Variants in PTPRR observed in about 807,000 individuals in gnomAD.
PTPRR encodes the protein receptor-type tyrosine-protein phosphatase R.
PTPRR carries 38 observed loss-of-function variants against 77.2 expected under a neutral mutation model. The ratio of observed to expected loss-of-function variants is 0.49; its 90% CI spans 0.38 to 0.65. The LOEUF (loss-of-function observed/expected upper bound fraction) is 0.65. Ranked by LOEUF, PTPRR falls within the 30% of genes least tolerant of loss-of-function variation. PTPRR has a pLI of 0.00. For synonymous variants in PTPRR, 299 were observed against 283.1 expected (o/e 1.06, Z -0.57); for missense variants, 744 against 799.2 (o/e 0.93, Z 0.83).
At chr12:70,902,581 G>A (rs538016714) in intron 1 of PTPRR, among the ~76,000 whole-genome samples, 120 of 151,872 alleles carry the variant, frequency 7.9e-4, no homozygotes, top group Non-Finnish European at 1.2e-3. Context: ...AATGGCATTC[G>A]CAGCAACCTG....
At chr12:70,813,790 G>C (rs1366522330) in intron 2 of PTPRR, among the ~76,000 whole-genome samples, 1 of 152,160 alleles carries the variant, frequency 6.6e-6, no homozygotes. Context: ...GAGTACCAGA[G>C]AGCAGAGTGC....
chr12:70,917,361 G>A (rs556701828), intron 1 of PTPRR, among the ~76,000 whole-genome samples: 3 of 152,128 alleles, frequency 2.0e-5, no homozygotes, highest in Admixed American at 6.6e-5. Flanking sequence ...ATGCAACCAC[G>A]GGTCTGGAAA....
Position 70,773,034 on chromosome 12 carries a change from A to G in PTPRR, c.358-8256T>C, listed in dbSNP as rs373003316. Among the ~76,000 whole-genome samples, 296 of 152,110 alleles carry G rather than the reference A, an allele frequency of 1.9e-3. 1 individual carries two copies. The highest frequency in any genetic ancestry group is 6.5e-3 in the African/African-American group (271 of 41,496). ...CTGGTGTTTGCCAGCAATCCTTGGG[A>G]TTCCTTGGATTACAGATATATTACT... On this transcript the variant is annotated intron_variant, in intron 2 of 13. Transcript: ENST00000283228.
chr12:70,646,944 T>TA (rs543733158), intron 13 of PTPRR, among the ~76,000 whole-genome samples: 7,310 of 145,782 alleles, frequency 0.05, 295 homozygotes, highest in South Asian at 0.12. Context: ...TGGCTGTAGT[T>TA]AAAAAAAAAA....
At chr12:70,908,005 A>G (rs982179240) in intron 1 of PTPRR, among the ~76,000 whole-genome samples, 1 of 152,198 alleles carries the variant, frequency 6.6e-6, no homozygotes, top group Non-Finnish European at 1.5e-5. Context: ...AACTAATTCT[A>G]TACATCGTTC....
At chr12:70,756,172 C>T (rs937620048) in intron 4 of PTPRR, among the ~76,000 whole-genome samples, 1 of 151,874 alleles carries the variant, frequency 6.6e-6, no homozygotes, top group Non-Finnish European at 1.5e-5. Context: ...CCTAGAATAT[C>T]AACATGTTCC....
rs2136961669 is a variant in PTPRR, at chr12:70,761,638, A to T, written c.472-12T>A. The T allele has an allele frequency of 6.5e-7, 1 of 1,541,652 alleles. No homozygotes were observed. Among genetic ancestry groups the T allele is most frequent in the Non-Finnish European group, 8.8e-7 (1 of 1,141,610 alleles). On this transcript the variant is annotated splice_polypyrimidine_tract_variant and intron_variant, in intron 3 of 13. Coordinates refer to ENST00000283228, the MANE Select transcript of PTPRR (RefSeq NM_002849.4). ...CTGTTCTTCTTTCCCTAATAAAAGC[A>T]GAATATTTGTATTTGTTATAGACAT...
intron 2 of PTPRR, among the ~76,000 whole-genome samples, chr12:70,788,513 G>A (rs1028728466): frequency 3.3e-5 from 5 of 152,170 alleles, no homozygotes; most frequent in African/African-American, 1.2e-4. Context: ...GAACTTTTGA[G>A]TTCTGTTCAA....
At chr12:70,800,809 C>T (rs763301665) in intron 2 of PTPRR, among the ~76,000 whole-genome samples, 2 of 151,786 alleles carry the variant, frequency 1.3e-5, no homozygotes, top group African/African-American at 2.4e-5. Context: ...GCAGGAGAAT[C>T]GCTTGAACCC....
At position 70,763,540 on chromosome 12, in the gene PTPRR, T is replaced by G. The variant is rs564435416; in HGVS notation, c.471+1125A>C. On this transcript the variant is annotated intron_variant, in intron 3 of 13. Transcript: ENST00000283228. The stretch of plus-strand genomic sequence containing the variant: ...TTGATTCACAGAATACAAATTTTTA[T>G]GAAGAAATGAAACAACTCACTCTCT... Among the ~76,000 whole-genome samples, 11 of 152,264 alleles carry G rather than the reference T, an allele frequency of 7.2e-5. No homozygotes were observed. The East Asian group carries it at 1.9e-3, about 27-fold the overall frequency.
intron 13 of PTPRR, among the ~76,000 whole-genome samples, chr12:70,649,359 C>T (rs76832152): frequency 0.031 from 4,717 of 152,140 alleles, 98 homozygotes; most frequent in Non-Finnish European, 0.046. Flanking sequence ...GAGGCAGCTA[C>T]AAGTGGAGAG....
chr12:70,881,967 T>C (rs1893156603), intron 2 of PTPRR, among the ~76,000 whole-genome samples: 1 of 152,180 alleles, frequency 6.6e-6, no homozygotes, highest in Non-Finnish European at 1.5e-5. Context: ...TCTTCTAAAG[T>C]ATTGGGTGTT....
At chr12:70,829,361 T>A (rs1892171912) in intron 2 of PTPRR, among the ~76,000 whole-genome samples, 1 of 152,162 alleles carries the variant, frequency 6.6e-6, no homozygotes, top group South Asian at 2.1e-4. Context: ...AGGACATTCT[T>A]ACTGACCCTG....
intron 2 of PTPRR, among the ~76,000 whole-genome samples, chr12:70,780,869 G>C (rs1480395798): frequency 2.0e-5 from 3 of 152,144 alleles, no homozygotes; most frequent in Non-Finnish European, 4.4e-5. Flanking sequence ...GGCATGTGCA[G>C]GTCTGTGCTT....
chr12:70,692,622 G>A (rs1475191130), intron 8 of PTPRR, among the ~76,000 whole-genome samples: 1 of 152,080 alleles, frequency 6.6e-6, no homozygotes, highest in East Asian at 1.9e-4. Flanking sequence ...TGGACCTAGG[G>A]CAATCTCCCA....
chr12:70,766,392 T>A (rs1466384827), intron 2 of PTPRR, among the ~76,000 whole-genome samples: 3 of 152,234 alleles, frequency 2.0e-5, no homozygotes, highest in African/African-American at 4.8e-5. Flanking sequence ...GCTGATGCAA[T>A]CAACTGGAAG....
At chr12:70,669,239 T>G (rs569593202) in intron 10 of PTPRR, among the ~76,000 whole-genome samples, 8 of 152,144 alleles carry the variant, frequency 5.3e-5, no homozygotes, top group African/African-American at 1.9e-4. Context: ...CTTAATAGAC[T>G]TAAAAGACTT....
chr12:70,747,340 A>C (rs1890244639), intron 5 of PTPRR, among the ~76,000 whole-genome samples: 2 of 152,250 alleles, frequency 1.3e-5, no homozygotes, highest in Admixed American at 6.5e-5. Context: ...GTTGCAAGAA[A>C]GTTATTTTCC....
At chr12:70,733,619 T>A (rs1462046527) in intron 6 of PTPRR, among the ~76,000 whole-genome samples, 1 of 152,192 alleles carries the variant, frequency 6.6e-6, no homozygotes, top group Non-Finnish European at 1.5e-5. Context: ...TCAGGATGTG[T>A]CTGAGAACAG....
Sources: gnomAD v4.1 joint callset for allele counts (sites outside exome capture counted in the v4.1 genomes callset) on GRCh38, gnomAD v4.1.1 for gene constraint, MANE v1.5 for transcripts, NCBI Gene and HGNC (gene_info 2026-07-23, HGNC 2026-07-21) for gene names.